The following GRAMD2B variants were observed in gnomAD, a reference collection of about 807,000 sequenced individuals.
The protein encoded by GRAMD2B is GRAM domain-containing protein 2B.
Under a neutral mutation model 59.2 loss-of-function variants are expected in GRAMD2B, and 41 were observed. The observed-to-expected ratio is 0.69, with a 90% confidence interval of 0.54 to 0.90. The LOEUF (loss-of-function observed/expected upper bound fraction) is 0.90, where lower values mean the gene tolerates loss of function less well. Among genes scored for constraint, GRAMD2B ranks in the 40% least tolerant of loss-of-function variants. GRAMD2B has a pLI of 0.00. For synonymous variants in GRAMD2B, 161 were observed against 182.7 expected, an observed-to-expected ratio of 0.88 and a Z score of 0.96; for missense variants, 424 against 500.5, an observed-to-expected ratio of 0.85 and a Z score of 1.46.
At chr5:126,465,153 G>A (rs1050241036) in intron 1 of GRAMD2B, 2 of 1,304,842 alleles carry the variant, frequency 1.5e-6, no homozygotes, top group Non-Finnish European at 2.0e-6. Context: ...CCCATGCAGA[G>A]CAGAGCTGGG....
At chr5:126,387,123 G>A (rs933050266) in intron 1 of GRAMD2B, among the ~76,000 whole-genome samples, 1 of 151,990 alleles carries the variant, frequency 6.6e-6, no homozygotes, top group Non-Finnish European at 1.5e-5. Context: ...AAACTGTCAA[G>A]CTATTTCAGT....
At chr5:126,363,476 A>C (rs1237801215) in intron 1 of GRAMD2B, among the ~76,000 whole-genome samples, 1 of 152,236 alleles carries the variant, frequency 6.6e-6, no homozygotes, top group Non-Finnish European at 1.5e-5. Context: ...AATTGAAAAC[A>C]TGTGTTTGCA....
intron 8 of GRAMD2B, among the ~76,000 whole-genome samples, chr5:126,481,170 G>C (rs554812825): frequency 8.6e-6 from 1 of 115,710 alleles, no homozygotes; most frequent in East Asian, 2.6e-4. Flanking sequence ...GAAGAGAAAT[G>C]AATATGCTCA....
At chr5:126,466,271 T>C in intron 2 of GRAMD2B, 2 of 1,550,510 alleles carry the variant, frequency 1.3e-6, no homozygotes, top group Non-Finnish European at 1.7e-6. Flanking sequence ...ACTCCGCTTT[T>C]TGCTTCCTTC....
At chr5:126,375,319 A>G (rs533386041) in intron 1 of GRAMD2B, among the ~76,000 whole-genome samples, 5 of 152,242 alleles carry the variant, frequency 3.3e-5, no homozygotes, top group Admixed American at 1.3e-4. Flanking sequence ...AATAATATTG[A>G]AATAATAAAA....
chr5:126,425,029 C>T (rs1192209584), intron 1 of GRAMD2B, among the ~76,000 whole-genome samples: 1 of 152,224 alleles, frequency 6.6e-6, no homozygotes, highest in Non-Finnish European at 1.5e-5. Flanking sequence ...AAATAGGCTT[C>T]TCTGCCAAGA....
At chr5:126,390,375 T>C (rs932124540) in intron 1 of GRAMD2B, among the ~76,000 whole-genome samples, 1 of 152,250 alleles carries the variant, frequency 6.6e-6, no homozygotes, top group African/African-American at 2.4e-5. Flanking sequence ...TATATCCAAC[T>C]GACAGGAAAG....
intron 1 of GRAMD2B, among the ~76,000 whole-genome samples, chr5:126,441,368 T>C (rs1428304828): frequency 1.3e-5 from 2 of 152,236 alleles, no homozygotes; most frequent in African/African-American, 2.4e-5. Context: ...TATGGATTGC[T>C]CCAAACTACA....
rs1238819410 is a variant in GRAMD2B, at chr5:126,485,586, T to C, written c.971-100T>C. The C allele has an allele frequency of 7.7e-6, 5 of 652,926 alleles. No individual in the cohort carries two copies. The East Asian group carries it at 1.4e-4, about 18-fold the overall frequency. 40.4% of individuals were successfully genotyped at this position (652,926 alleles called of 1,614,324 possible). ...GATATTTTCTCTGATTTCTTTTACCTGGGAACAATTACCTCTCTCAAGTAC... is the reference window on the plus strand; with the variant it reads ...GATATTTTCTCTGATTTCTTTTACCCGGGAACAATTACCTCTCTCAAGTAC... On this transcript the variant is annotated intron_variant, in intron 10 of 13. Transcript: ENST00000285689.
chr5:126,455,933 CTG>C (rs1378776949), intron 1 of GRAMD2B, among the ~76,000 whole-genome samples: 1 of 152,108 alleles, frequency 6.6e-6, no homozygotes, highest in African/African-American at 2.4e-5. Context: ...ATGTATTGTT[CTG>C]TGTTTATGTA....
chr5:126,429,418 A>G (rs1761193521), intron 1 of GRAMD2B, among the ~76,000 whole-genome samples: 1 of 152,110 alleles, frequency 6.6e-6, no homozygotes, highest in Non-Finnish European at 1.5e-5. Context: ...AAATCAGGAA[A>G]AATAACTAAT....
chr5:126,379,333 T>G (rs1755465420), intron 1 of GRAMD2B, among the ~76,000 whole-genome samples: 1 of 152,148 alleles, frequency 6.6e-6, no homozygotes, highest in Non-Finnish European at 1.5e-5. Flanking sequence ...GGTTCCATAT[T>G]TTTGCAATTG....
At chr5:126,397,198 GC>G (rs1230554379) in intron 1 of GRAMD2B, among the ~76,000 whole-genome samples, 1 of 152,072 alleles carries the variant, frequency 6.6e-6, no homozygotes, top group East Asian at 1.9e-4. Context: ...TAGGATGTTA[GC>G]TGTGTGGTTT....
intron 1 of GRAMD2B, among the ~76,000 whole-genome samples, chr5:126,380,216 T>C (rs1755546408): frequency 6.6e-6 from 1 of 152,220 alleles, no homozygotes; most frequent in Non-Finnish European, 1.5e-5. Context: ...CAGTTGGCTG[T>C]AGGCATTTGG....
intron 1 of GRAMD2B, among the ~76,000 whole-genome samples, chr5:126,394,498 G>A (rs1158969238): frequency 6.6e-6 from 1 of 152,210 alleles, no homozygotes; most frequent in Non-Finnish European, 1.5e-5. Flanking sequence ...TGGCTGCTTT[G>A]AGCCATAATG....
chr5:126,374,787 C>G (rs959960161), intron 1 of GRAMD2B, among the ~76,000 whole-genome samples: 1 of 152,124 alleles, frequency 6.6e-6, no homozygotes, highest in African/African-American at 2.4e-5. Context: ...ACTGTCCTTT[C>G]GTCACTAATC....
At chr5:126,473,441 T>G (rs544605783) in intron 5 of GRAMD2B, 73 bp downstream of exon 5, 63 of 456,348 alleles carry the variant, frequency 1.4e-4, no homozygotes, top group African/African-American at 1.1e-3. Flanking sequence ...CATCTTAAAT[T>G]TAGCTATATT....
chr5:126,392,180 A>C (rs1160647839), intron 1 of GRAMD2B, among the ~76,000 whole-genome samples: 2 of 152,198 alleles, frequency 1.3e-5, no homozygotes, highest in African/African-American at 4.8e-5. Flanking sequence ...TATCAGGATG[A>C]GTACTGCAAG....
intron 1 of GRAMD2B, among the ~76,000 whole-genome samples, chr5:126,446,190 T>C (rs781641132): frequency 3.9e-5 from 6 of 152,242 alleles, no homozygotes; most frequent in Non-Finnish European, 8.8e-5. Context: ...TTGTGTTTAT[T>C]TTTTCAAAGA....
Sources: allele counts gnomAD v4.1 joint callset (sites outside exome capture counted in the v4.1 genomes callset), GRCh38; gene constraint gnomAD v4.1.1; transcripts MANE v1.5; gene names NCBI Gene and HGNC (gene_info 2026-07-23, HGNC 2026-07-21).